DZIP3: variants seen among roughly 807,000 people sequenced by gnomAD.
DZIP3 encodes the protein DAZ interacting zinc finger protein 3.
DZIP3 carries 118 observed loss-of-function variants against 162.0 expected under a neutral mutation model. The ratio of observed to expected loss-of-function variants is 0.73; its 90% CI spans 0.63 to 0.85. DZIP3 has a LOEUF of 0.85. Ranked by LOEUF, DZIP3 falls within the 40% of genes least tolerant of loss-of-function variation. The probability of loss-of-function intolerance (pLI) is 0.00; values close to 1 mark genes in which losing one functional copy is unlikely to be tolerated. For synonymous variants in DZIP3, 438 were observed against 458.6 expected (o/e 0.96, Z 0.57); for missense variants, 1,331 against 1,407.0 (o/e 0.95, Z 0.86).
intron 15 of DZIP3, among the ~76,000 whole-genome samples, chr3:108,647,325 T>A (rs971471835): frequency 3.9e-5 from 6 of 151,956 alleles, no homozygotes; most frequent in African/African-American, 1.5e-4. Context: ...ATTTTTGTGC[T>A]ATTTTTTTTA....
intron 26 of DZIP3, among the ~76,000 whole-genome samples, chr3:108,681,640 T>C (rs1416143540): frequency 6.6e-6 from 1 of 152,112 alleles, no homozygotes; most frequent in Non-Finnish European, 1.5e-5. Context: ...CATATGTTTA[T>C]TGCAGCCCTG....
intron 27 of DZIP3, among the ~76,000 whole-genome samples, chr3:108,684,839 T>C (rs1276471140): frequency 6.6e-6 from 1 of 152,118 alleles, no homozygotes; most frequent in Non-Finnish European, 1.5e-5. Flanking sequence ...GTTATAAATC[T>C]TCCCAGCTAC....
Position 108,616,553 on chromosome 3 carries a change from G to T in DZIP3, c.271G>T (p.Ala91Ser), listed in dbSNP as rs1356460861. ...TAATTTTCCACAGAGAGAAGTTGCA[G>T]CTAACAGCCAGAATGGTGAGGAAAT... ...SFQTMQREVA[A>S]NSQNGEEIVP... Residue 91 changes from alanine to serine, a missense_variant, in exon 5 of 33, where the codon GCT becomes TCT. Around this residue, in one of 2 missense-constraint regions of DZIP3, gnomAD observed 1,278 missense variants for 1,317.1 expected, o/e 0.97. Coordinates refer to ENST00000361582, the MANE Select transcript of DZIP3 (RefSeq NM_014648.4). 3.1e-6 allele frequency: 5 copies of T among 1,607,474 alleles called. No individual in the cohort carries two copies. The highest frequency in any genetic ancestry group is 4.2e-6 in the Non-Finnish European group (5 of 1,177,344).
At chr3:108,614,431 T>C (rs1940887763) in intron 4 of DZIP3, among the ~76,000 whole-genome samples, 1 of 152,224 alleles carries the variant, frequency 6.6e-6, no homozygotes, top group African/African-American at 2.4e-5. Context: ...TTTGCTTTTC[T>C]AGTAAATTAT....
At chr3:108,678,765 G>A (rs1312904187) in intron 26 of DZIP3, among the ~76,000 whole-genome samples, 1 of 151,998 alleles carries the variant, frequency 6.6e-6, no homozygotes, top group African/African-American at 2.4e-5. Flanking sequence ...TGTAAGTTAT[G>A]TGGGGACAGA....
Position 108,624,447 on chromosome 3 carries a change from C to G in DZIP3, c.379C>G (p.His127Asp), listed in dbSNP as rs1469720678. The G allele has an allele frequency of 3.2e-6, 5 of 1,581,000 alleles. No individual in the cohort carries two copies. Among genetic ancestry groups the G allele is most frequent in the Non-Finnish European group, 2.6e-6 (3 of 1,155,158 alleles). Residue 127 changes from histidine (H) to aspartate (D), a missense_variant, in exon 6 of 33, where the codon CAC becomes GAC. Physicochemically the swap from His to Asp is moderately conservative, Grantham distance 81 (BLOSUM62 -1). Transcript: ENST00000361582. ...RNIQAGNYTA[H>D]QINIGYYLTL... ...TAACATATTTTTTTCTTTGTAGGCA[C>G]ACCAGATTAATATTGGTTATTATTT...
intron 29 of DZIP3, 34 bp downstream of exon 29, chr3:108,688,130 T>C (rs1944559528): frequency 6.2e-7 from 1 of 1,610,968 alleles, no homozygotes; most frequent in African/African-American, 1.3e-5. Context: ...AACCTGTATC[T>C]CTCTGCCCTT....
Position 108,688,009 on chromosome 3 carries a change from G to A in DZIP3, c.3183G>A (p.Lys1061=). The change falls in exon 29 of 33, where the codon AAG becomes AAA. Residue 1061 remains lysine, a synonymous_variant. Transcript: ENST00000361582. ...TTACAGATTTCTTACGGAAATTGAA[G>A]GATGCTTATGGAAAATCCTTGTCTG... ...KELTDFLRKL[K]DAYGKSLSEL... is the part of the protein sequence containing the mutation. 6.2e-7 allele frequency: 1 copy of A among 1,613,560 alleles called. No homozygotes were observed. Among genetic ancestry groups the A allele is most frequent in the Non-Finnish European group, 8.5e-7 (1 of 1,179,766 alleles).
chr3:108,692,056 T>C (rs1944718346), intron 32 of DZIP3, among the ~76,000 whole-genome samples: 2 of 152,266 alleles, frequency 1.3e-5, no homozygotes, highest in Non-Finnish European at 1.5e-5. Flanking sequence ...CTAATGTCTT[T>C]TTTTCAGTTT....
intron 21 of DZIP3, among the ~76,000 whole-genome samples, chr3:108,663,929 T>G (rs1401335532): frequency 6.6e-6 from 1 of 152,106 alleles, no homozygotes; most frequent in Non-Finnish European, 1.5e-5. Flanking sequence ...TAATGGAGAG[T>G]GTAGATTAAC....
intron 26 of DZIP3, among the ~76,000 whole-genome samples, chr3:108,683,440 C>T (rs1944389528): frequency 6.6e-6 from 1 of 152,112 alleles, no homozygotes; most frequent in Admixed American, 6.6e-5. Flanking sequence ...TGCTGTTCCT[C>T]ATTTTTTAAG....
At chr3:108,629,015 TCTACACAGTC>T (rs780180107) in intron 7 of DZIP3, 37 bp from the exon 8 acceptor site, 8 of 1,220,946 alleles carry the variant, frequency 6.6e-6, no homozygotes, top group Non-Finnish European at 9.2e-6. Context: ...AAACCATGCA[TCTACACAGTC>T]CCGTTCAAAC....
At chr3:108,597,815 AT>A (rs1244607861) in intron 1 of DZIP3, among the ~76,000 whole-genome samples, 1 of 152,202 alleles carries the variant, frequency 6.6e-6, no homozygotes, top group African/African-American at 2.4e-5. Flanking sequence ...TTATGCCTGC[AT>A]ATAATTTATA....
intron 18 of DZIP3, 65 bp downstream of exon 18, chr3:108,651,227 T>C (rs1189540383): frequency 5.5e-6 from 3 of 549,412 alleles, no homozygotes; most frequent in African/African-American, 2.1e-5. Context: ...TTTCCTAATA[T>C]GACACAGGCT....
Position 108,634,968 on chromosome 3 carries a change from A to G in DZIP3, c.914A>G (p.Asp305Gly), listed in dbSNP as rs780136415. Residue 305 changes from aspartate to glycine, a missense_variant, in exon 10 of 33, where the codon GAT becomes GGT. Physicochemically the swap from Asp to Gly is moderately conservative, Grantham distance 94. This residue lies in a region of DZIP3 where 1,278 missense variants were observed against 1,317.1 expected (regional missense o/e 0.97). Coordinates refer to ENST00000361582, the MANE Select transcript of DZIP3 (RefSeq NM_014648.4). ...AATTTAAAGTATCCAGGTGAAAATG[A>G]TCAGGTATTATATTCGTTCTTAAAA... ...FKNLKYPGEN[D>G]QSFSGKKCLK... 5 of 1,577,522 alleles carry G rather than the reference A, an allele frequency of 3.2e-6. No individual in the cohort carries two copies. The highest frequency in any genetic ancestry group is 4.3e-6 in the Non-Finnish European group (5 of 1,150,610).
At chr3:108,659,173 G>A (rs371032747) in intron 19 of DZIP3, among the ~76,000 whole-genome samples, 7 of 152,092 alleles carry the variant, frequency 4.6e-5, no homozygotes, top group Non-Finnish European at 7.4e-5. Context: ...AGCAAAGCCG[G>A]GCAGAGACAT....
intron 26 of DZIP3, 45 bp from the exon 27 acceptor site, chr3:108,684,171 G>T (rs1436397047): frequency 1.5e-5 from 23 of 1,531,854 alleles, no homozygotes; most frequent in Non-Finnish European, 1.9e-5. Context: ...ATATAAATAT[G>T]TGGGGGGGGG....
At position 108,662,401 on chromosome 3, in the gene DZIP3, A is replaced by T. The variant is rs1318236994; in HGVS notation, c.2423+144A>T. 11 of 1,065,668 alleles carry T rather than the reference A, an allele frequency of 1.0e-5. No individual in the cohort carries two copies. In the South Asian group the frequency reaches 2.7e-4, roughly 27 times the overall value. The allele number at this position is 1,065,668 out of a possible 1,614,324, so 66.0% of individuals were successfully genotyped here. On this transcript the variant is annotated intron_variant, in intron 21 of 32. Coordinates refer to ENST00000361582, the MANE Select transcript of DZIP3 (RefSeq NM_014648.4). Reference sequence around the variant, plus strand: ...CACGACTGCACTTGTTTAAAAACCAACCATATTTTTGTCTTGCCAACTGGA... The same window carrying T: ...CACGACTGCACTTGTTTAAAAACCATCCATATTTTTGTCTTGCCAACTGGA...
chr3:108,688,213 A>C, intron 29 of DZIP3, 117 bp downstream of exon 29: 1 of 1,272,694 alleles, frequency 7.9e-7, no homozygotes, highest in Non-Finnish European at 1.1e-6. Flanking sequence ...ATCATATTAA[A>C]TCATCTATTA....
Sources: allele counts gnomAD v4.1 joint callset (sites outside exome capture counted in the v4.1 genomes callset), GRCh38; gene constraint gnomAD v4.1.1; regional missense constraint gnomAD v4.1.1; transcripts MANE v1.5; gene names NCBI Gene and HGNC (gene_info 2026-07-23, HGNC 2026-07-21).